The following WDR49 variants were observed in gnomAD, a reference collection of about 807,000 sequenced individuals.
WDR49 encodes WD repeat domain 49, also known as cilia- and flagella-associated protein 337.
WDR49 carries 107 observed loss-of-function variants against 119.5 expected under a neutral mutation model. That is an observed-to-expected ratio of 0.90 (90% confidence interval 0.77 to 1.05). The LOEUF is 1.05. Ranked by LOEUF, WDR49 falls within the 50% of genes least tolerant of loss-of-function variation. The pLI, the probability that WDR49 is intolerant of heterozygous loss-of-function variation, is 0.00. For synonymous variants in WDR49, 425 were observed against 418.8 expected (o/e 1.01, Z -0.18); for missense variants, 1,240 against 1,220.5 (o/e 1.02, Z -0.24).
intron 18 of WDR49, among the ~76,000 whole-genome samples, chr3:167,482,397 T>G (rs1437594541): frequency 4.0e-5 from 6 of 150,638 alleles, no homozygotes; most frequent in Non-Finnish European, 8.9e-5. Context: ...AGGCCAGGAG[T>G]GGTGACTCAC....
intron 7 of WDR49, among the ~76,000 whole-genome samples, chr3:167,595,860 T>A (rs893448954): frequency 6.6e-6 from 1 of 151,468 alleles, no homozygotes; most frequent in African/African-American, 2.4e-5. Flanking sequence ...AAAGCCAAGA[T>A]TGACAAATGG....
chr3:167,627,146 G>C lies in WDR49; in HGVS notation c.312C>G (p.Asp104Glu). 7.9e-7 allele frequency: 1 copy of C among 1,262,540 alleles called. No homozygotes were observed. The highest frequency in any genetic ancestry group is 1.5e-5 in the African/African-American group (1 of 65,166). The allele number at this position is 1,262,540 out of a possible 1,614,324, so 78.2% of individuals were successfully genotyped here. A position where few individuals can be genotyped will look rare whatever the true frequency, so the allele number is the denominator to read the frequency against. ...DVAQDGFINW[D>E]KLTSFILLEL... is the part of the protein sequence containing the mutation. ...CTAGCAGTATAAATGAAGTCAGCTT[G>C]TCCCAATTAATGAAGCCATCTTGGG... The change falls in exon 3 of 19, where the codon GAC becomes GAG. Residue 104 changes from aspartate (D) to glutamate (E), a missense_variant. By Grantham distance (45) the Asp-to-Glu change is conservative (BLOSUM62 2). Coordinates refer to ENST00000682715, the MANE Select transcript of WDR49 (RefSeq NM_001366157.1).
chr3:167,554,692 C>T lies in WDR49; in HGVS notation c.1781G>A (p.Gly594Asp). ...TGAGGCATAATCATACCTCTCCCAG[C>T]CTGTAACCAGTATTTTCTTCTTAAG... is the stretch of plus-strand genomic sequence containing the variant. ...LILKKKILVTGWERYDYASWK... is the reference protein window; with the variant it reads ...LILKKKILVTDWERYDYASWK... The change falls in exon 10 of 19, where the codon GGC becomes GAC. Residue 594 changes from glycine to aspartate, a missense_variant. Coordinates refer to ENST00000682715, the MANE Select transcript of WDR49 (RefSeq NM_001366157.1). The T allele has an allele frequency of 6.2e-7, 1 of 1,611,960 alleles. No individual in the cohort carries two copies. The highest frequency in any genetic ancestry group is 8.5e-7 in the Non-Finnish European group (1 of 1,178,586).
intron 2 of WDR49, among the ~76,000 whole-genome samples, chr3:167,644,296 A>C (rs1360318467): frequency 1.3e-5 from 2 of 152,078 alleles, no homozygotes; most frequent in African/African-American, 4.8e-5. Flanking sequence ...ACATGCCAGC[A>C]TTTTAAGAAC....
intron 5 of WDR49, among the ~76,000 whole-genome samples, chr3:167,612,502 G>GA (rs966693408): frequency 2.0e-5 from 3 of 151,256 alleles, no homozygotes; most frequent in African/African-American, 4.9e-5. Context: ...AAATAAAATT[G>GA]AAAAAAATAC....
chr3:167,523,769 C>T (rs1752540189), intron 15 of WDR49, among the ~76,000 whole-genome samples: 2 of 152,092 alleles, frequency 1.3e-5, no homozygotes. Context: ...TTTATATGTG[C>T]CACATTTTCT....
At chr3:167,650,931 T>A (rs1559933082) in intron 2 of WDR49, among the ~76,000 whole-genome samples, 2 of 152,096 alleles carry the variant, frequency 1.3e-5, no homozygotes, top group Admixed American at 6.6e-5. Context: ...CAGAGTCACA[T>A]TGTAAGTAGC....
At chr3:167,536,780 G>A in intron 11 of WDR49, 90 bp downstream of exon 11, 1 of 1,071,274 alleles carries the variant, frequency 9.3e-7, no homozygotes, top group Non-Finnish European at 1.2e-6. Context: ...TAAAACAACT[G>A]AGAAAAAGCT....
At chr3:167,519,485 G>T (rs1752346678) in intron 16 of WDR49, among the ~76,000 whole-genome samples, 1 of 152,090 alleles carries the variant, frequency 6.6e-6, no homozygotes, top group Non-Finnish European at 1.5e-5. Context: ...TCCTCTGCAG[G>T]GACATGGATG....
At chr3:167,633,438 A>G (rs1431667917) in intron 2 of WDR49, 1 of 456,112 alleles carries the variant, frequency 2.2e-6, no homozygotes. Flanking sequence ...TCTTTCACAT[A>G]TACAAGAGCG....
At position 167,531,237 on chromosome 3, in the gene WDR49, G is replaced by A. The variant is rs983630830; in HGVS notation, c.2096C>T (p.Pro699Leu). The change falls in exon 13 of 19, where the codon CCC becomes CTC. Residue 699 changes from proline (P) to leucine (L), a missense_variant. Physicochemically the swap from Pro to Leu is moderately conservative, Grantham distance 98. Transcript: ENST00000682715. ...AGAATGGTCTGCCATGGGGTGGGAG[G>A]GTTGGCTTCTCCCAGCACTGAGAAG... is the stretch of plus-strand genomic sequence containing the variant. ...QKLLSAGRSQ[P>L]SHPMADHSTT... 1.2e-6 allele frequency: 2 copies of A among 1,611,272 alleles called. No individual in the cohort carries two copies. Among genetic ancestry groups the A allele is most frequent in the East Asian group, 2.2e-5 (1 of 44,864 alleles).
At chr3:167,554,820 C>T (rs1472710754) in intron 9 of WDR49, 22 bp from the exon 10 acceptor site, 31 of 1,542,340 alleles carry the variant, frequency 2.0e-5, no homozygotes, top group Non-Finnish European at 2.7e-5. Flanking sequence ...AAATTAAAAC[C>T]ACTTTGAGAC....
At chr3:167,493,810 G>A (rs1751242826) in intron 18 of WDR49, among the ~76,000 whole-genome samples, 1 of 152,088 alleles carries the variant, frequency 6.6e-6, no homozygotes, top group African/African-American at 2.4e-5. Context: ...AAAGGTGTCA[G>A]CTTTCTTTAG....
At chr3:167,591,664 G>A (rs974361322) in intron 7 of WDR49, among the ~76,000 whole-genome samples, 4 of 151,758 alleles carry the variant, frequency 2.6e-5, no homozygotes, top group African/African-American at 9.7e-5. Flanking sequence ...TGATTTCTTT[G>A]TCCCTTATAG....
chr3:167,558,552 A>G (rs1275621421), intron 9 of WDR49, among the ~76,000 whole-genome samples: 1 of 152,226 alleles, frequency 6.6e-6, no homozygotes, highest in Non-Finnish European at 1.5e-5. Context: ...TACTAAATTC[A>G]CATTAACTTC....
At position 167,591,226 on chromosome 3, in the gene WDR49, CTT is replaced by C. The variant is rs1358161806; in HGVS notation, c.1275+10899_1275+10900del. 5.3e-5 allele frequency among the ~76,000 whole-genome samples: 8 copies of C among 152,098 alleles called. No homozygotes were observed. In the East Asian group the frequency reaches 9.6e-4, roughly 18 times the overall value. The stretch of plus-strand genomic sequence containing the variant: ...TATTTGTACAATTTTCAAAATTACT[CTT>C]GTTATTGATGTCTAGTTTTAGTACC... On this transcript the variant is annotated intron_variant, in intron 7 of 18. Transcript: ENST00000682715.
intron 2 of WDR49, among the ~76,000 whole-genome samples, chr3:167,635,714 T>G (rs1717585436): frequency 6.6e-6 from 1 of 151,624 alleles, no homozygotes; most frequent in African/African-American, 2.4e-5. Flanking sequence ...TTACTGCCCT[T>G]AAGTCATTGG....
intron 7 of WDR49, among the ~76,000 whole-genome samples, chr3:167,578,629 C>A (rs2108286212): frequency 6.6e-6 from 1 of 151,810 alleles, no homozygotes; most frequent in Non-Finnish European, 1.5e-5. Flanking sequence ...AATTATTGAC[C>A]CACTAATTTA....
intron 8 of WDR49, 128 bp from the exon 9 acceptor site, chr3:167,560,356 A>G (rs958989567): frequency 1.1e-6 from 1 of 942,206 alleles, no homozygotes; most frequent in African/African-American, 1.7e-5. Flanking sequence ...ACATTTTTGT[A>G]ATGGACTTTC....
Sources: gnomAD v4.1 joint callset for allele counts (sites outside exome capture counted in the v4.1 genomes callset) on GRCh38, gnomAD v4.1.1 for gene constraint, MANE v1.5 for transcripts, NCBI Gene and HGNC (gene_info 2026-07-23, HGNC 2026-07-21) for gene names.